The following UGDH variants were observed in gnomAD, a reference collection of about 807,000 sequenced individuals.
UGDH encodes the protein UDP-Glc dehydrogenase.
UGDH carries 38 observed loss-of-function variants against 50.6 expected under a neutral mutation model. That is an observed-to-expected ratio of 0.75 (90% CI 0.58 to 0.98). The LOEUF (loss-of-function observed/expected upper bound fraction) is 0.98, where lower values mean the gene tolerates loss of function less well. Among genes scored for constraint, UGDH ranks in the 50% least tolerant of loss-of-function variants. UGDH has a pLI of 0.00. For missense variants in UGDH, 465 were observed against 606.2 expected (o/e 0.77, Z 2.45); for synonymous variants, 168 against 199.9 (o/e 0.84, Z 1.35).
chr4:39,510,101 A>G (rs1203971837), intron 5 of UGDH, among the ~76,000 whole-genome samples, 194 bp from the exon 6 acceptor site: 2 of 152,246 alleles, frequency 1.3e-5, no homozygotes, highest in African/African-American at 2.4e-5. Flanking sequence ...TGATTAAGAA[A>G]AAGGGTAAAG....
intron 2 of UGDH, 142 bp downstream of exon 2, chr4:39,521,209 C>T: frequency 1.3e-6 from 1 of 789,288 alleles, no homozygotes; most frequent in Non-Finnish European, 1.9e-6. Context: ...TTTTAATGTC[C>T]ATGTGTTTTG....
chr4:39,522,627 A>G (rs1299917391), intron 1 of UGDH, among the ~76,000 whole-genome samples: 1 of 152,184 alleles, frequency 6.6e-6, no homozygotes, highest in Non-Finnish European at 1.5e-5. Flanking sequence ...AGATTTCCCT[A>G]CTAGAAGAAA....
At chr4:39,518,499 C>T (rs983489683) in intron 2 of UGDH, among the ~76,000 whole-genome samples, 3 of 151,902 alleles carry the variant, frequency 2.0e-5, no homozygotes, top group Non-Finnish European at 4.4e-5. Flanking sequence ...CAAGCACATG[C>T]CACAATGCCC....
Position 39,508,661 on chromosome 4 carries a change from C to T in UGDH, c.812-1G>A. 1.3e-6 allele frequency: 2 copies of T among 1,586,706 alleles called. No individual in the cohort carries two copies. The highest frequency in any genetic ancestry group is 1.7e-6 in the Non-Finnish European group (2 of 1,173,224). Reference sequence around the variant, plus strand: ...TTTTGGAAACAGCTCCCACCAAACCCTGCAGAAAGAAAAAAATGAACAATA... The same window carrying T: ...TTTTGGAAACAGCTCCCACCAAACCTTGCAGAAAGAAAAAAATGAACAATA... On this transcript the variant is annotated splice_acceptor_variant, in intron 6 of 11. Transcript: ENST00000316423. LOFTEE classifies it high-confidence loss of function.
intron 1 of UGDH, chr4:39,526,699 G>GA (rs1473426303): frequency 5.4e-6 from 1 of 185,962 alleles, no homozygotes; most frequent in Non-Finnish European, 1.2e-5. Flanking sequence ...AGGCACCCAG[G>GA]AAAGGCCTTC....
At chr4:39,519,228 TTTTTAA>T (rs1365118021) in intron 2 of UGDH, among the ~76,000 whole-genome samples, 1 of 151,476 alleles carries the variant, frequency 6.6e-6, no homozygotes, top group Non-Finnish European at 1.5e-5. Context: ...TATTTTTTTT[TTTTTAA>T]TTTGGAGATG....
chr4:39,499,627 T>C lies in UGDH; in HGVS notation c.*516A>G, dbSNP rs1376740772. 3 of 152,238 alleles carry C rather than the reference T, an allele frequency of 2.0e-5. No homozygotes were observed. Among genetic ancestry groups the C allele is most frequent in the Non-Finnish European group, 2.9e-5 (2 of 68,066 alleles). 9.4% of individuals were successfully genotyped at this position (152,238 alleles called of 1,614,324 possible). On this transcript the variant is annotated 3_prime_UTR_variant, in exon 12 of 12. Transcript: ENST00000316423. ...TCATCCAATAACTGAGCTAACAGTA[T>C]TATAAAAATATGTAAAAAAATTCTA...
chr4:39,520,132 A>G (rs1746589827), intron 2 of UGDH, among the ~76,000 whole-genome samples: 1 of 152,166 alleles, frequency 6.6e-6, no homozygotes, highest in South Asian at 2.1e-4. Flanking sequence ...TGAGGTCAGG[A>G]GTTCAAGACC....
chr4:39,513,826 C>T (rs1001848547), intron 3 of UGDH, among the ~76,000 whole-genome samples: 3 of 152,192 alleles, frequency 2.0e-5, no homozygotes, highest in African/African-American at 7.2e-5. Flanking sequence ...TGAGCCACCG[C>T]ACCCGCCCAT....
At chr4:39,512,009 C>T (rs1484080620) in intron 3 of UGDH, among the ~76,000 whole-genome samples, 2 of 138,676 alleles carry the variant, frequency 1.4e-5, no homozygotes, top group South Asian at 2.4e-4. Context: ...GGCCAATGGG[C>T]GAAGACTTTC....
At chr4:39,506,175 C>T (rs1746016620) in intron 7 of UGDH, among the ~76,000 whole-genome samples, 1 of 149,558 alleles carries the variant, frequency 6.7e-6, no homozygotes, top group African/African-American at 2.5e-5. Flanking sequence ...TGGCAGTGAG[C>T]CGAGATCATG....
intron 4 of UGDH, 51 bp downstream of exon 4, chr4:39,510,610 C>T (rs1289746625): frequency 5.6e-6 from 9 of 1,613,958 alleles, no homozygotes; most frequent in Admixed American, 1.7e-5. Context: ...AACTTTAACA[C>T]ATCAGTATTT....
At position 39,509,925 on chromosome 4, in the gene UGDH, T is replaced by C. The variant is rs181928617; in HGVS notation, c.664-18A>G. ...TTTGCTGCCTTAAAAAAAAAAAACA[T>C]AGAGAAGAGTAAGATAAGCTAAAAC... is the stretch of plus-strand genomic sequence containing the variant. On this transcript the variant is annotated intron_variant, in intron 5 of 11. Coordinates refer to ENST00000316423, the MANE Select transcript of UGDH (RefSeq NM_003359.4). The C allele has an allele frequency of 3.3e-5, 51 of 1,547,360 alleles. No individual in the cohort carries two copies. Among genetic ancestry groups the C allele is most frequent in the African/African-American group, 2.2e-4 (16 of 71,638 alleles).
chr4:39,500,969 CT>C (rs751650150), intron 11 of UGDH, among the ~76,000 whole-genome samples: 268 of 115,472 alleles, frequency 2.3e-3, no homozygotes, highest in Non-Finnish European at 2.1e-3. Flanking sequence ...CAGCATAATG[CT>C]TTTTTTTTTT....
At chr4:39,525,833 G>A (rs986742592) in intron 1 of UGDH, among the ~76,000 whole-genome samples, 2 of 152,172 alleles carry the variant, frequency 1.3e-5, no homozygotes, top group African/African-American at 4.8e-5. Context: ...CTACTTTTAT[G>A]TACCCTCTGG....
chr4:39,501,921 T>C (rs1745833820), intron 11 of UGDH, among the ~76,000 whole-genome samples: 2 of 152,240 alleles, frequency 1.3e-5, no homozygotes, highest in South Asian at 4.1e-4. Flanking sequence ...TCACTTTTCA[T>C]GTCTTTTGAA....
In UGDH at chr4:39,527,358, C is replaced by G. The variant is rs1306146386; in HGVS notation, c.-83G>C. The G allele has an allele frequency of 4.0e-6, 1 of 246,954 alleles. No homozygotes were observed. Among genetic ancestry groups the G allele is most frequent in the South Asian group, 3.9e-5 (1 of 25,490 alleles). The allele number at this position is 246,954 out of a possible 1,614,324, so 15.3% of individuals were successfully genotyped here. A position where few individuals can be genotyped will look rare whatever the true frequency, so the allele number is the denominator to read the frequency against. ...CAGCACCTTCCTACGGGCCGCGCCG[C>G]CGCAGCTTCTCCACCCGCGCCCCGC... On this transcript the variant is annotated 5_prime_UTR_variant, in exon 1 of 12. Coordinates refer to ENST00000316423, the MANE Select transcript of UGDH (RefSeq NM_003359.4).
rs1052469069 is a variant in UGDH at position 39,499,288 on chromosome 4, T to A, written c.*855A>T. 1 of 152,072 alleles carries A rather than the reference T, an allele frequency of 6.6e-6. No individual in the cohort carries two copies. Among genetic ancestry groups the A allele is most frequent in the Non-Finnish European group, 1.5e-5 (1 of 68,006 alleles). 9.4% of individuals were successfully genotyped at this position (152,072 alleles called of 1,614,324 possible). A position where few individuals can be genotyped will look rare whatever the true frequency, so the allele number is the denominator to read the frequency against. Reference sequence around the variant, plus strand: ...TTAAAAAAAAAATCTTTTAACCATATTTGGGGTGACTGGAAATTAACAGTG... The same window carrying A: ...TTAAAAAAAAAATCTTTTAACCATAATTGGGGTGACTGGAAATTAACAGTG... On this transcript the variant is annotated 3_prime_UTR_variant, in exon 12 of 12. Coordinates refer to ENST00000316423, the MANE Select transcript of UGDH (RefSeq NM_003359.4).
chr4:39,501,874 A>G (rs1307001983), intron 11 of UGDH, among the ~76,000 whole-genome samples: 1 of 152,192 alleles, frequency 6.6e-6, no homozygotes. Context: ...ACAGTCATGA[A>G]TTTATCTCCC....
Sources: gnomAD v4.1 joint callset for allele counts (sites outside exome capture counted in the v4.1 genomes callset) on GRCh38, gnomAD v4.1.1 for gene constraint, MANE v1.5 for transcripts, NCBI Gene and HGNC (gene_info 2026-07-23, HGNC 2026-07-21) for gene names.